Variants in KCNH7 observed in about 807,000 individuals in gnomAD.
The protein encoded by KCNH7 is voltage-gated inwardly rectifying potassium channel KCNH7.
KCNH7 carries 49 observed loss-of-function variants against 120.8 expected under a neutral mutation model. The observed-to-expected ratio is 0.41, with a 90% CI of 0.32 to 0.51. The LOEUF is 0.51. Among genes scored for constraint, KCNH7 ranks in the 20% least tolerant of loss-of-function variants. The probability of loss-of-function intolerance (pLI) is 0.38; values close to 1 mark genes in which losing one functional copy is unlikely to be tolerated. For synonymous variants in KCNH7, 547 were observed against 516.1 expected (o/e 1.06, Z -0.81); for missense variants, 1,097 against 1,446.6 (o/e 0.76, Z 3.92).
intron 6 of KCNH7, chr2:162,496,863 T>A (rs1384767325): frequency 6.6e-6 from 1 of 152,174 alleles, no homozygotes; most frequent in African/African-American, 2.4e-5. Context: ...AATCATGTCA[T>A]TGAAGAAATT....
At chr2:162,653,034 G>A (rs1210518537) in intron 2 of KCNH7, among the ~76,000 whole-genome samples, 1 of 152,156 alleles carries the variant, frequency 6.6e-6, no homozygotes, top group Non-Finnish European at 1.5e-5. Flanking sequence ...GAAACCCAGA[G>A]TTATAATTCC....
At chr2:162,690,163 A>C (rs1316674256) in intron 2 of KCNH7, among the ~76,000 whole-genome samples, 4 of 152,136 alleles carry the variant, frequency 2.6e-5, no homozygotes, top group Non-Finnish European at 4.4e-5. Context: ...CTCACTTATA[A>C]GTGGGAGCTA....
At chr2:162,394,244 A>G in intron 12 of KCNH7, 145 bp downstream of exon 12, 1 of 630,204 alleles carries the variant, frequency 1.6e-6, no homozygotes, top group South Asian at 1.9e-5. Context: ...AAACCAGATC[A>G]TTAGCTACTG....
chr2:162,652,338 T>C (rs1684593795), intron 2 of KCNH7, among the ~76,000 whole-genome samples: 1 of 152,134 alleles, frequency 6.6e-6, no homozygotes, highest in Non-Finnish European at 1.5e-5. Context: ...TTACATGAGA[T>C]ATTTTGAAAA....
chr2:162,831,238 T>A (rs1685466443), intron 2 of KCNH7, among the ~76,000 whole-genome samples: 1 of 152,168 alleles, frequency 6.6e-6, no homozygotes, highest in Admixed American at 6.5e-5. Context: ...ATTTAATATA[T>A]AAAATTTACT....
At chr2:162,739,591 T>G (rs982530873) in intron 2 of KCNH7, among the ~76,000 whole-genome samples, 1 of 152,050 alleles carries the variant, frequency 6.6e-6, no homozygotes, top group Admixed American at 6.6e-5. Flanking sequence ...CAGGTGAACC[T>G]CCCCAGGATT....
At chr2:162,402,581 C>T (rs1411729607) in intron 9 of KCNH7, among the ~76,000 whole-genome samples, 1 of 151,464 alleles carries the variant, frequency 6.6e-6, no homozygotes, top group Non-Finnish European at 1.5e-5. Context: ...TAAAGCATTA[C>T]ACCAAGTAAC....
At chr2:162,693,839 C>T (rs1346673345) in intron 2 of KCNH7, among the ~76,000 whole-genome samples, 1 of 151,712 alleles carries the variant, frequency 6.6e-6, no homozygotes, top group Non-Finnish European at 1.5e-5. Flanking sequence ...CTCATGTTAA[C>T]AAATATAGAA....
chr2:162,801,504 C>G (rs550289320), intron 2 of KCNH7, among the ~76,000 whole-genome samples: 1 of 151,686 alleles, frequency 6.6e-6, no homozygotes, highest in East Asian at 1.9e-4. Flanking sequence ...AATGTCATAT[C>G]TAAAATAATT....
intron 2 of KCNH7, among the ~76,000 whole-genome samples, chr2:162,570,913 T>C (rs1315973219): frequency 1.3e-5 from 2 of 152,096 alleles, no homozygotes; most frequent in Admixed American, 1.3e-4. Flanking sequence ...ATAAGAGGTA[T>C]CTATGACAAA....
At chr2:162,469,328 C>A (rs1689416207) in intron 6 of KCNH7, among the ~76,000 whole-genome samples, 1 of 152,140 alleles carries the variant, frequency 6.6e-6, no homozygotes, top group Admixed American at 6.6e-5. Flanking sequence ...AACAACTATG[C>A]TTTTGACCCT....
At chr2:162,714,679 A>G (rs1000464159) in intron 2 of KCNH7, among the ~76,000 whole-genome samples, 3 of 152,214 alleles carry the variant, frequency 2.0e-5, no homozygotes, top group Non-Finnish European at 2.9e-5. Flanking sequence ...TCTTCTTGCA[A>G]CTACTCAGTT....
At chr2:162,628,174 T>C (rs1683625524) in intron 2 of KCNH7, among the ~76,000 whole-genome samples, 1 of 152,124 alleles carries the variant, frequency 6.6e-6, no homozygotes. Context: ...AATAGCATGG[T>C]ACTGGAGAAA....
chr2:162,553,652 A>C (rs1293229185), intron 2 of KCNH7, among the ~76,000 whole-genome samples: 2 of 152,064 alleles, frequency 1.3e-5, no homozygotes, highest in African/African-American at 2.4e-5. Flanking sequence ...GTCTCAAAAA[A>C]AGAAAAGAAA....
intron 2 of KCNH7, among the ~76,000 whole-genome samples, chr2:162,736,126 CAGG>C (rs1209234825): frequency 1.3e-5 from 2 of 152,128 alleles, no homozygotes; most frequent in African/African-American, 4.8e-5. Flanking sequence ...GGTGAGGACT[CAGG>C]ACTAGGTCTT....
chr2:162,510,873 G>T (rs956970258), intron 5 of KCNH7, among the ~76,000 whole-genome samples: 9 of 151,788 alleles, frequency 5.9e-5, no homozygotes, highest in African/African-American at 2.2e-4. Flanking sequence ...ACCAGAGCTT[G>T]AAAAACGTAA....
intron 2 of KCNH7, among the ~76,000 whole-genome samples, chr2:162,616,631 A>C (rs1245377529): frequency 6.6e-6 from 1 of 152,170 alleles, no homozygotes; most frequent in African/African-American, 2.4e-5. Context: ...CACTGGTCTC[A>C]TCCTAAACTT....
chr2:162,774,043 T>TCCAG (rs1229937124), intron 2 of KCNH7, among the ~76,000 whole-genome samples: 1 of 152,144 alleles, frequency 6.6e-6, no homozygotes, highest in East Asian at 1.9e-4. Context: ...ACTTCAGAGC[T>TCCAG]CCAGTGTCAT....
chr2:162,658,191 G>A (rs1684837849), intron 2 of KCNH7, among the ~76,000 whole-genome samples: 1 of 151,252 alleles, frequency 6.6e-6, no homozygotes, highest in Admixed American at 6.6e-5. Context: ...TTTAATTATT[G>A]TTATTTTTTT....
Sources: gnomAD v4.1 joint callset for allele counts (sites outside exome capture counted in the v4.1 genomes callset) on GRCh38, gnomAD v4.1.1 for gene constraint, MANE v1.5 for transcripts, NCBI Gene and HGNC (gene_info 2026-07-23, HGNC 2026-07-21) for gene names.